The following RPF1 variants were observed in gnomAD, a reference collection of about 807,000 sequenced individuals.
RPF1 encodes the protein ribosome production factor 1.
In RPF1, 34 loss-of-function variants were observed where a neutral mutation model predicts 41.9. That is an observed-to-expected ratio of 0.81 (90% CI 0.62 to 1.08). The LOEUF (loss-of-function observed/expected upper bound fraction) is 1.08. RPF1 is among the 50% of genes least tolerant of loss of function. The pLI, the probability that RPF1 is intolerant of heterozygous loss-of-function variation, is 0.00. For missense variants in RPF1, 425 were observed against 435.2 expected (o/e 0.98, Z 0.21); for synonymous variants, 140 against 148.9 (o/e 0.94, Z 0.43).
At chr1:84,479,538 C>T (rs1243366213) in intron 1 of RPF1, 29 bp downstream of exon 1, 5 of 1,607,198 alleles carry the variant, frequency 3.1e-6, no homozygotes, top group Non-Finnish European at 4.3e-6. Context: ...CTGCCGGGCG[C>T]TTGCGCGTTG....
In RPF1 at chr1:84,479,300, A is replaced by G. The variant is rs575535126; in HGVS notation, c.19A>G (p.Lys7Glu). 1.6e-5 allele frequency: 26 copies of G among 1,604,528 alleles called. No homozygotes were observed. Among genetic ancestry groups the G allele is most frequent in the African/African-American group, 1.3e-4 (10 of 74,292 alleles). Residue 7 changes from lysine to glutamate, a missense_variant, in exon 1 of 9, where the codon AAG (lysine) becomes GAG (glutamate). Coordinates refer to ENST00000370654, the MANE Select transcript of RPF1 (RefSeq NM_025065.7). ...CAAGACCATGGCGAAAGCCGGGGAT[A>G]AGAGCAGCAGCAGCGGGAAGAAAAG... The part of the protein sequence containing the change: MAKAGD[K>E]SSSSGKKSLK...
intron 1 of RPF1, among the ~76,000 whole-genome samples, chr1:84,479,745 G>A (rs1681607462): frequency 6.6e-6 from 1 of 152,188 alleles, no homozygotes; most frequent in Admixed American, 6.5e-5. Flanking sequence ...CTCTTTCCTG[G>A]GACGCTAGAT....
In RPF1 at chr1:84,479,316, G is replaced by A. The variant is rs913005561; in HGVS notation, c.35G>A (p.Gly12Glu). 4 of 1,609,262 alleles carry A rather than the reference G, an allele frequency of 2.5e-6. No homozygotes were observed. The highest frequency in any genetic ancestry group is 3.4e-6 in the Non-Finnish European group (4 of 1,177,632). ...AKAGDKSSSS[G>E]KKSLKRKAAA... ...GCCGGGGATAAGAGCAGCAGCAGCG[G>A]GAAGAAAAGTCTAAAACGGAAAGCC... The change falls in exon 1 of 9, where the codon GGG becomes GAG. Residue 12 changes from glycine (G) to glutamate (E), a missense_variant. Coordinates refer to ENST00000370654, the MANE Select transcript of RPF1 (RefSeq NM_025065.7).
chr1:84,483,724 A>C (rs758137363), intron 3 of RPF1, among the ~76,000 whole-genome samples: 55 of 152,242 alleles, frequency 3.6e-4, no homozygotes, highest in Non-Finnish European at 6.9e-4. Context: ...GATAGTTGGC[A>C]ACAGTGCAGA....
At chr1:84,491,537 T>C (rs1390151728) in intron 5 of RPF1, among the ~76,000 whole-genome samples, 1 of 152,258 alleles carries the variant, frequency 6.6e-6, no homozygotes, top group Non-Finnish European at 1.5e-5. Context: ...TAATGTGTTT[T>C]GTTGGCCATA....
intron 3 of RPF1, among the ~76,000 whole-genome samples, chr1:84,487,991 T>C (rs1033545428): frequency 3.9e-5 from 6 of 152,106 alleles, no homozygotes; most frequent in Non-Finnish European, 7.4e-5. Context: ...ATATATCAAA[T>C]ATCTATATAT....
At chr1:84,481,043 ATCT>A in intron 2 of RPF1, 31 bp downstream of exon 2, 3 of 1,292,862 alleles carry the variant, frequency 2.3e-6, no homozygotes, top group Non-Finnish European at 3.3e-6. Context: ...TTTGCTTTCT[ATCT>A]TATATTAGGG....
intron 1 of RPF1, among the ~76,000 whole-genome samples, chr1:84,480,675 A>G (rs537563087): frequency 3.0e-4 from 45 of 152,340 alleles, no homozygotes; most frequent in African/African-American, 1.0e-3. Flanking sequence ...TTGAGGCTTT[A>G]TGGAAAAAGG....
intron 7 of RPF1, 52 bp downstream of exon 7, chr1:84,496,115 C>G: frequency 6.7e-7 from 1 of 1,488,126 alleles, no homozygotes. Flanking sequence ...AATATATTTT[C>G]AACATGAACT....
chr1:84,484,502 A>G (rs886854671), intron 3 of RPF1, among the ~76,000 whole-genome samples: 8 of 152,036 alleles, frequency 5.3e-5, no homozygotes, highest in African/African-American at 1.9e-4. Flanking sequence ...ATTTAGAACA[A>G]TTCCTCAGTC....
At chr1:84,492,158 C>CAA (rs11337622) in intron 5 of RPF1, among the ~76,000 whole-genome samples, 13 of 144,042 alleles carry the variant, frequency 9.0e-5, no homozygotes, top group Admixed American at 2.1e-4. Flanking sequence ...AAGACTCTGT[C>CAA]AAAAAAAAAA....
At chr1:84,485,979 G>A (rs1681728594) in intron 3 of RPF1, among the ~76,000 whole-genome samples, 1 of 152,140 alleles carries the variant, frequency 6.6e-6, no homozygotes. Flanking sequence ...GAAAGTCAGG[G>A]TAGGCTTTAT....
At chr1:84,479,812 C>T (rs1481474950) in intron 1 of RPF1, among the ~76,000 whole-genome samples, 1 of 152,164 alleles carries the variant, frequency 6.6e-6, no homozygotes, top group Non-Finnish European at 1.5e-5. Flanking sequence ...GCCCTCCTGG[C>T]CCAGAAGGCA....
intron 5 of RPF1, among the ~76,000 whole-genome samples, chr1:84,492,592 TTA>T (rs769570748): frequency 3.0e-4 from 46 of 152,370 alleles, no homozygotes; most frequent in Non-Finnish European, 5.4e-4. Flanking sequence ...ATTAAATGTA[TTA>T]TGTTTATAAA....
intron 3 of RPF1, among the ~76,000 whole-genome samples, chr1:84,484,370 A>G (rs1433393483): frequency 2.6e-5 from 4 of 152,020 alleles, no homozygotes; most frequent in African/African-American, 4.8e-5. Context: ...TTGGTATTCA[A>G]TATTATCTGT....
intron 5 of RPF1, 124 bp downstream of exon 5, chr1:84,490,596 G>T: frequency 1.4e-6 from 1 of 693,538 alleles, no homozygotes; most frequent in East Asian, 3.1e-5. Context: ...TCAGAAAATT[G>T]TATCTCTTTC....
chr1:84,480,038 G>T (rs1186854434), intron 1 of RPF1, among the ~76,000 whole-genome samples: 1 of 152,202 alleles, frequency 6.6e-6, no homozygotes. Flanking sequence ...ACGTAAAGAG[G>T]TTTAAACGAC....
intron 2 of RPF1, among the ~76,000 whole-genome samples, chr1:84,482,593 T>G (rs767415997): frequency 6.6e-5 from 10 of 152,150 alleles, no homozygotes; most frequent in Non-Finnish European, 1.3e-4. Context: ...CTTTTATTTT[T>G]CTCCTGTTTG....
chr1:84,485,471 A>G (rs1681720608), intron 3 of RPF1, among the ~76,000 whole-genome samples: 1 of 152,210 alleles, frequency 6.6e-6, no homozygotes, highest in Non-Finnish European at 1.5e-5. Context: ...ACCCCATCAC[A>G]TGAGGTGAGG....
Sources: allele counts gnomAD v4.1 joint callset (sites outside exome capture counted in the v4.1 genomes callset), GRCh38; gene constraint gnomAD v4.1.1; transcripts MANE v1.5; gene names NCBI Gene and HGNC (gene_info 2026-07-23, HGNC 2026-07-21).